Variants in CDH12 observed in about 807,000 individuals in gnomAD.
CDH12 encodes the protein cadherin 12, also known as cadherin-12.
Under a neutral mutation model 74.1 loss-of-function variants are expected in CDH12, and 41 were observed. The observed-to-expected ratio is 0.55, with a 90% CI of 0.43 to 0.72. The LOEUF (loss-of-function observed/expected upper bound fraction) is 0.72. Among genes scored for constraint, CDH12 ranks in the 30% least tolerant of loss-of-function variants. The pLI, the probability that CDH12 is intolerant of heterozygous loss-of-function variation, is 0.00. For missense variants in CDH12, 945 were observed against 977.2 expected (o/e 0.97, Z 0.44); for synonymous variants, 399 against 355.0 (o/e 1.12, Z -1.39).
chr5:22,018,897 C>T (rs1294398448), intron 5 of CDH12, among the ~76,000 whole-genome samples: 3 of 152,124 alleles, frequency 2.0e-5, no homozygotes, highest in South Asian at 2.1e-4. Context: ...CATGGTGAAA[C>T]CCCATCTCTG....
chr5:22,044,167 C>T (rs1454066964), intron 5 of CDH12, among the ~76,000 whole-genome samples: 1 of 152,154 alleles, frequency 6.6e-6, no homozygotes, highest in East Asian at 1.9e-4. Context: ...AGTCATCATA[C>T]TTCCTGACTT....
At chr5:22,721,610 G>A (rs1005014976) in intron 1 of CDH12, among the ~76,000 whole-genome samples, 2 of 152,090 alleles carry the variant, frequency 1.3e-5, no homozygotes, top group Non-Finnish European at 2.9e-5. Context: ...GGCATGATTG[G>A]TTTTGAAATG....
At chr5:22,360,608 C>G (rs1366167002) in intron 3 of CDH12, among the ~76,000 whole-genome samples, 1 of 152,060 alleles carries the variant, frequency 6.6e-6, no homozygotes, top group East Asian at 1.9e-4. Flanking sequence ...ATACCAAAGC[C>G]TGGCAGAGAC....
Position 22,055,321 on chromosome 5 carries a change from A to G in CDH12, c.231+23125T>C, listed in dbSNP as rs141153198. On this transcript the variant is annotated intron_variant, in intron 5 of 14. Coordinates refer to ENST00000382254, the MANE Select transcript of CDH12 (RefSeq NM_004061.5). Reference sequence around the variant, plus strand: ...CTGGCATACAGGGACTTGTTTCCTAATGATTTCAAAATAGCAAGTAAGAGT... The same window carrying G: ...CTGGCATACAGGGACTTGTTTCCTAGTGATTTCAAAATAGCAAGTAAGAGT... 3.3e-3 allele frequency among the ~76,000 whole-genome samples: 509 copies of G among 152,314 alleles called. 1 individual carries two copies. The highest frequency in any genetic ancestry group is 0.012 in the African/African-American group (485 of 41,584).
chr5:22,706,167 A>T (rs1580908364), intron 1 of CDH12, among the ~76,000 whole-genome samples: 2 of 152,092 alleles, frequency 1.3e-5, no homozygotes, highest in African/African-American at 4.8e-5. Context: ...CTAAATTAGT[A>T]GGTTTCCCCT....
intron 6 of CDH12, among the ~76,000 whole-genome samples, chr5:21,902,908 G>A (rs898276922): frequency 6.6e-6 from 1 of 152,054 alleles, no homozygotes; most frequent in African/African-American, 2.4e-5. Flanking sequence ...ATGATAAGAC[G>A]AAGAATTGAG....
chr5:22,841,318 T>G (rs1737070959), intron 1 of CDH12, among the ~76,000 whole-genome samples: 1 of 152,270 alleles, frequency 6.6e-6, no homozygotes, highest in Non-Finnish European at 1.5e-5. Flanking sequence ...AGGGCTTGAT[T>G]GAGAGACTTC....
intron 1 of CDH12, among the ~76,000 whole-genome samples, chr5:22,714,048 T>TA (rs1470290673): frequency 6.6e-6 from 1 of 152,204 alleles, no homozygotes; most frequent in Non-Finnish European, 1.5e-5. Context: ...CTTTTATTTT[T>TA]ACTCCTCAAT....
intron 1 of CDH12, among the ~76,000 whole-genome samples, chr5:22,654,929 C>A (rs1262855464): frequency 6.6e-6 from 1 of 152,168 alleles, no homozygotes; most frequent in Non-Finnish European, 1.5e-5. Context: ...CTGTGCCGTG[C>A]CTCTTTCTAA....
chr5:21,847,677 T>A (rs1470265804), intron 7 of CDH12, among the ~76,000 whole-genome samples: 1 of 152,092 alleles, frequency 6.6e-6, no homozygotes, highest in East Asian at 1.9e-4. Context: ...CTCCACTATA[T>A]GTGATTAGAA....
intron 3 of CDH12, among the ~76,000 whole-genome samples, chr5:22,224,863 AATAAC>A (rs1248558683): frequency 6.6e-6 from 1 of 151,842 alleles, no homozygotes; most frequent in South Asian, 2.1e-4. Context: ...TTATTCATAA[AATAAC>A]ATATTATATA....
At chr5:22,474,173 G>A (rs1192063279) in intron 2 of CDH12, among the ~76,000 whole-genome samples, 3 of 152,144 alleles carry the variant, frequency 2.0e-5, no homozygotes, top group Admixed American at 2.0e-4. Flanking sequence ...AAACAGAGAA[G>A]GATGTAATAA....
At chr5:22,345,961 C>T (rs1040940943) in intron 3 of CDH12, among the ~76,000 whole-genome samples, 2 of 151,920 alleles carry the variant, frequency 1.3e-5, no homozygotes, top group African/African-American at 4.8e-5. Context: ...AAAAAATTAG[C>T]TGGCTGTGGT....
intron 1 of CDH12, among the ~76,000 whole-genome samples, chr5:22,727,934 A>G (rs1330872058): frequency 2.6e-5 from 4 of 151,720 alleles, no homozygotes; most frequent in Non-Finnish European, 5.9e-5. Context: ...AATTTATTTC[A>G]CTGAAAAGTT....
chr5:21,807,357 C>A (rs897107313), intron 9 of CDH12, among the ~76,000 whole-genome samples: 1 of 152,128 alleles, frequency 6.6e-6, no homozygotes, highest in African/African-American at 2.4e-5. Flanking sequence ...ACTCTGTCTT[C>A]CACATGGCTA....
At chr5:22,529,178 TATATATATATAGAG>T (rs1209233365) in intron 1 of CDH12, among the ~76,000 whole-genome samples, 3 of 81,746 alleles carry the variant, frequency 3.7e-5, no homozygotes, top group African/African-American at 1.4e-4. Flanking sequence ...TATATATATA[TATATATATATAGAG>T]AGAGAGAGAG....
chr5:21,928,577 T>C (rs1237921912), intron 6 of CDH12, among the ~76,000 whole-genome samples: 1 of 152,230 alleles, frequency 6.6e-6, no homozygotes, highest in Admixed American at 6.5e-5. Flanking sequence ...TGCAGTGATG[T>C]ATGAGGATTA....
At chr5:22,356,295 T>C (rs1369802066) in intron 3 of CDH12, among the ~76,000 whole-genome samples, 2 of 152,190 alleles carry the variant, frequency 1.3e-5, no homozygotes, top group East Asian at 3.9e-4. Flanking sequence ...ACATTATAAA[T>C]TAGGATAAGA....
intron 1 of CDH12, among the ~76,000 whole-genome samples, chr5:22,698,712 TATATATATATATATATATATATA>T (rs1362021147): frequency 0.015 from 203 of 13,854 alleles, 8 homozygotes; most frequent in African/African-American, 0.047. Context: ...TATATATATA[TATATATATATATATATATATATA>T]GTGTGTGTGT....
Sources: allele counts gnomAD v4.1 joint callset (sites outside exome capture counted in the v4.1 genomes callset), GRCh38; gene constraint gnomAD v4.1.1; transcripts MANE v1.5; gene names NCBI Gene and HGNC (gene_info 2026-07-23, HGNC 2026-07-21).